The following LMAN1L variants were observed in gnomAD, a reference collection of about 807,000 sequenced individuals.
The protein encoded by LMAN1L is lectin, mannose binding 1 like, also known as protein ERGIC-53-like.
In LMAN1L, 60 loss-of-function variants were observed where a neutral mutation model predicts 58.3. The observed-to-expected ratio is 1.03, with a 90% CI of 0.84 to 1.27. The LOEUF is 1.27. Among genes scored for constraint, LMAN1L ranks in the 50% most tolerant of loss-of-function variants. The probability of loss-of-function intolerance (pLI) is 0.00; values close to 1 mark genes in which losing one functional copy is unlikely to be tolerated. For missense variants in LMAN1L, 629 were observed against 674.0 expected, an observed-to-expected ratio of 0.93 and a Z score of 0.74; for synonymous variants, 280 against 271.6, an observed-to-expected ratio of 1.03 and a Z score of -0.31.
chr15:74,816,636 G>C lies in LMAN1L; in HGVS notation c.443G>C (p.Ser148Thr). 1 of 1,613,750 alleles carries C rather than the reference G, an allele frequency of 6.2e-7. No homozygotes were observed. The highest frequency in any genetic ancestry group is 2.2e-5 in the East Asian group (1 of 44,868). ...FDSPAEDTQDSPAIRVLASDG... is the reference protein window; with the variant it reads ...FDSPAEDTQDTPAIRVLASDG... Reference sequence around the variant, plus strand: ...CTGCTTCTCACCTCCCTGCAGGACAGTCCTGCCATCCGTGTGCTGGCCAGC... The same window carrying C: ...CTGCTTCTCACCTCCCTGCAGGACACTCCTGCCATCCGTGTGCTGGCCAGC... The change falls in exon 4 of 14, where the codon AGT (serine) becomes ACT (threonine). Residue 148 changes from serine (S) to threonine (T), a missense_variant. Physicochemically the swap from Ser to Thr is moderately conservative, Grantham distance 58 (BLOSUM62 1). Transcript: ENST00000309664.
At position 74,818,781 on chromosome 15, in the gene LMAN1L, C is replaced by G; in HGVS notation, c.561C>G (p.Phe187Leu). The G allele has an allele frequency of 6.2e-7, 1 of 1,611,818 alleles. No homozygotes were observed. Among genetic ancestry groups the G allele is most frequent in the Non-Finnish European group, 8.5e-7 (1 of 1,179,298 alleles). ...ACTTCCGGAACCGGCCACACCCCTT[C>G]AGAGCACGGATCACCTACTGGGGGC... The part of the protein sequence containing the change: ...HWDFRNRPHP[F>L]RARITYWGQR... Residue 187 changes from phenylalanine to leucine, a missense_variant, in exon 5 of 14, where the codon TTC becomes TTG. By Grantham distance (22) the Phe-to-Leu change is conservative (BLOSUM62 0). Around this residue, in one of 3 missense-constraint regions of LMAN1L, gnomAD observed 573 missense variants for 597.3 expected, o/e 0.96. Coordinates refer to ENST00000309664, the MANE Select transcript of LMAN1L (RefSeq NM_021819.3).
At chr15:74,816,750 CCCCCATCCGAGCCCCTG>C in intron 4 of LMAN1L, 60 bp downstream of exon 4, 1 of 1,518,258 alleles carries the variant, frequency 6.6e-7, no homozygotes, top group South Asian at 1.2e-5. Context: ...GGGCCCATCC[CCCCCATCCGAGCCCCTG>C]CCCCAGCCTC....
chr15:74,822,024 G>A lies in LMAN1L; in HGVS notation c.1131+124G>A, dbSNP rs2063919102. The A allele has an allele frequency of 7.4e-6, 5 of 676,894 alleles. No homozygotes were observed. The South Asian group carries it at 9.3e-5, about 13-fold the overall frequency. 41.9% of individuals were successfully genotyped at this position (676,894 alleles called of 1,614,324 possible). ...CCTTCAGGGGACAGAACCACTTTTA[G>A]AAGGGAGACGTATTTTGGCTTGGCA... On this transcript the variant is annotated intron_variant, in intron 10 of 13. Transcript: ENST00000309664.
chr15:74,823,185 G>T (rs578070753), intron 11 of LMAN1L, among the ~76,000 whole-genome samples: 5 of 152,284 alleles, frequency 3.3e-5, no homozygotes, highest in East Asian at 1.9e-4. Flanking sequence ...TGCTGTGGAG[G>T]AGGCATGCAT....
At chr15:74,816,761 G>T (rs2063893272) in intron 4 of LMAN1L, 71 bp downstream of exon 4, 2 of 1,448,258 alleles carry the variant, frequency 1.4e-6, no homozygotes, top group South Asian at 1.3e-5. Context: ...CCCCATCCGA[G>T]CCCCTGCCCC....
At chr15:74,824,053 C>T (rs1375245881) in intron 12 of LMAN1L, 1 of 507,850 alleles carries the variant, frequency 2.0e-6, no homozygotes, top group Non-Finnish European at 3.5e-6. Context: ...GTTCCCTCGC[C>T]CTCACCCTGC....
chr15:74,825,741 G>C lies in LMAN1L; in HGVS notation c.*136G>C, dbSNP rs1413111657. On this transcript the variant is annotated 3_prime_UTR_variant, in exon 14 of 14. Transcript: ENST00000309664. ...TCGGCATGCTCCCACCTCGTTAAAG[G>C]TGATTTCCCTCTCCCCATGCTGTGA... The C allele has an allele frequency of 1.3e-6, 1 of 798,538 alleles. No homozygotes were observed. Among genetic ancestry groups the C allele is most frequent in the Non-Finnish European group, 2.0e-6 (1 of 507,672 alleles). 49.5% of individuals were successfully genotyped at this position (798,538 alleles called of 1,614,324 possible).
In LMAN1L at chr15:74,816,031, C is replaced by G. The variant is rs112267045; in HGVS notation, c.176-126C>G. ...TGACTCCTGCTTCCCTGGCTGGCCGCTTATTTAATGGTAGGCCTTGGCATT... is the reference window on the plus strand; with the variant it reads ...TGACTCCTGCTTCCCTGGCTGGCCGGTTATTTAATGGTAGGCCTTGGCATT... On this transcript the variant is annotated intron_variant, in intron 1 of 13. Transcript: ENST00000309664. 14,005 of 1,230,168 alleles carry G rather than the reference C, an allele frequency of 0.011. 1,068 individuals carry two copies. In the African/African-American group the frequency reaches 0.18, roughly 15 times the overall value. The allele number at this position is 1,230,168 out of a possible 1,614,324, so 76.2% of individuals were successfully genotyped here.
intron 6 of LMAN1L, 184 bp from the exon 7 acceptor site, chr15:74,819,860 C>T (rs1383052706): frequency 1.5e-6 from 1 of 649,910 alleles, no homozygotes; most frequent in Non-Finnish European, 2.8e-6. Context: ...TCAACCCTCA[C>T]CACCCACCCG....
At chr15:74,813,860 C>T (rs1293108375) in intron 1 of LMAN1L, among the ~76,000 whole-genome samples, 2 of 152,172 alleles carry the variant, frequency 1.3e-5, no homozygotes, top group African/African-American at 4.8e-5. Flanking sequence ...GGTGCAGTGG[C>T]TCACGCCTGT....
At chr15:74,824,276 C>T in intron 12 of LMAN1L, 75 bp from the exon 13 acceptor site, 1 of 1,418,202 alleles carries the variant, frequency 7.1e-7, no homozygotes, top group Non-Finnish European at 9.8e-7. Flanking sequence ...GGAGCATGCA[C>T]ATGGCCTAGA....
intron 6 of LMAN1L, 52 bp downstream of exon 6, chr15:74,819,324 A>T (rs1388484901): frequency 1.3e-6 from 2 of 1,591,610 alleles, no homozygotes; most frequent in African/African-American, 2.7e-5. Flanking sequence ...TGAATAAATC[A>T]CCCTCAGCAC....
rs915932929 is a variant in LMAN1L, at chr15:74,812,848, C to A, written c.-7C>A. On this transcript the variant is annotated 5_prime_UTR_variant, in exon 1 of 14. Transcript: ENST00000309664. ...ACCCCGGGGCCCAGACTTCAGGCGCCTTCACGATGCCGGCGGTCAGTGGTC... is the reference window on the plus strand; with the variant it reads ...ACCCCGGGGCCCAGACTTCAGGCGCATTCACGATGCCGGCGGTCAGTGGTC... 2 of 1,589,700 alleles carry A rather than the reference C, an allele frequency of 1.3e-6. No homozygotes were observed. The highest frequency in any genetic ancestry group is 3.5e-5 in the Admixed American group (2 of 56,718).
Position 74,825,709 on chromosome 15 carries a change from T to A in LMAN1L, c.*104T>A. Reference sequence around the variant, plus strand: ...TGGGTGCCCAGCTCCCACGCACACCTGAGCTTTCGGCATGCTCCCACCTCG... The same window carrying A: ...TGGGTGCCCAGCTCCCACGCACACCAGAGCTTTCGGCATGCTCCCACCTCG... On this transcript the variant is annotated 3_prime_UTR_variant, in exon 14 of 14. Coordinates refer to ENST00000309664, the MANE Select transcript of LMAN1L (RefSeq NM_021819.3). The A allele has an allele frequency of 8.4e-7, 1 of 1,187,410 alleles. No individual in the cohort carries two copies. Among genetic ancestry groups the A allele is most frequent in the Non-Finnish European group, 1.2e-6 (1 of 836,912 alleles). The allele number at this position is 1,187,410 out of a possible 1,614,324, so 73.6% of individuals were successfully genotyped here. A position where few individuals can be genotyped will look rare whatever the true frequency, so the allele number is the denominator to read the frequency against.
In LMAN1L at chr15:74,821,143, C is replaced by A. The variant is rs1338937820; in HGVS notation, c.976C>A (p.Leu326Ile). 5 of 1,558,206 alleles carry A rather than the reference C, an allele frequency of 3.2e-6. No individual in the cohort carries two copies. In the South Asian group the frequency reaches 5.9e-5, roughly 18 times the overall value. The change falls in exon 9 of 14, where the codon CTC (leucine) becomes ATC (isoleucine). Residue 326 changes from leucine to isoleucine, a missense_variant. Leu to Ile is a conservative substitution (Grantham distance 5). This residue lies in a region of LMAN1L where 573 missense variants were observed against 597.3 expected (regional missense o/e 0.96). Transcript: ENST00000309664. ...HRRILQALRG[L>I]SKQLAQAERQ... ...CCGGATCCTGCAGGCTCTGCGGGGT[C>A]TCTCCAAGCAGCTGGCCCAGGCTGA...
At chr15:74,823,486 G>A in intron 11 of LMAN1L, 73 bp from the exon 12 acceptor site, 2 of 1,556,516 alleles carry the variant, frequency 1.3e-6, no homozygotes, top group South Asian at 1.1e-5. Flanking sequence ...GGGGAGATGG[G>A]AAATGATTAG....
Position 74,821,243 on chromosome 15 carries a change from G to C in LMAN1L, c.1059+17G>C. 1 of 1,546,920 alleles carries C rather than the reference G, an allele frequency of 6.5e-7. No individual in the cohort carries two copies. Among genetic ancestry groups the C allele is most frequent in the Non-Finnish European group, 8.7e-7 (1 of 1,146,164 alleles). On this transcript the variant is annotated intron_variant, in intron 9 of 13. Coordinates refer to ENST00000309664, the MANE Select transcript of LMAN1L (RefSeq NM_021819.3). Reference sequence around the variant, plus strand: ...GGAGGCTGGGTGAGAAGCCCTACAGGCATCCAAGGCTCCACCTGCGGGCCT... The same window carrying C: ...GGAGGCTGGGTGAGAAGCCCTACAGCCATCCAAGGCTCCACCTGCGGGCCT...
intron 11 of LMAN1L, 101 bp downstream of exon 11, chr15:74,822,810 A>G (rs898509680): frequency 6.0e-6 from 5 of 836,120 alleles, no homozygotes; most frequent in African/African-American, 3.4e-5. Flanking sequence ...CGCCCAGCAC[A>G]CAGCCTGTCA....
At chr15:74,819,411 A>C (rs2063907185) in intron 6 of LMAN1L, 139 bp downstream of exon 6, 7 of 1,131,340 alleles carry the variant, frequency 6.2e-6, no homozygotes, top group Non-Finnish European at 8.7e-6. Context: ...GGGAGAAGTC[A>C]TGTCTGCCTT....
Sources: allele counts gnomAD v4.1 joint callset (sites outside exome capture counted in the v4.1 genomes callset), GRCh38; gene constraint gnomAD v4.1.1; regional missense constraint gnomAD v4.1.1; transcripts MANE v1.5; gene names NCBI Gene and HGNC (gene_info 2026-07-23, HGNC 2026-07-21).